The following KRT18 variants were observed in gnomAD, a reference collection of about 807,000 sequenced individuals.
KRT18 encodes the protein keratin 18, also known as keratin, type I cytoskeletal 18.
Under a neutral mutation model 39.9 loss-of-function variants are expected in KRT18, and 8 were observed. That is an observed-to-expected ratio of 0.20 (90% CI 0.12 to 0.36). KRT18 has a LOEUF of 0.36. KRT18 is among the 10% of genes least tolerant of loss of function. KRT18 has a pLI of 1.00. For synonymous variants in KRT18, 194 were observed against 227.8 expected (o/e 0.85, Z 1.33); for missense variants, 396 against 565.7 (o/e 0.70, Z 3.04).
Position 52,952,710 on chromosome 12 carries a change from C to CT in KRT18, c.1173-10dup, listed in dbSNP as rs150845422. ...GGGCTGTTTATAACTTGGGCTTGGT[C>CT]TTCTGTTACAGTCTTGGTGATGCCT... is the stretch of plus-strand genomic sequence containing the variant. On this transcript the variant is annotated splice_polypyrimidine_tract_variant and intron_variant, in intron 6 of 6. Coordinates refer to ENST00000388835, the MANE Select transcript of KRT18 (RefSeq NM_000224.3). 5.5e-4 allele frequency: 884 copies of CT among 1,612,390 alleles called. 3 individuals carry two copies. In the African/African-American group the frequency reaches 0.01, roughly 19 times the overall value.
chr12:52,950,020 G>A, intron 1 of KRT18: 1 of 605,726 alleles, frequency 1.7e-6, no homozygotes, highest in Non-Finnish European at 2.9e-6. Context: ...AGGTGCACTA[G>A]GGAAAAAATG....
Position 52,949,280 on chromosome 12 carries a change from A to T in KRT18, c.107A>T (p.Tyr36Phe). 6.2e-7 allele frequency: 1 copy of T among 1,610,794 alleles called. No individual in the cohort carries two copies. The highest frequency in any genetic ancestry group is 8.5e-7 in the Non-Finnish European group (1 of 1,179,698). Residue 36 changes from tyrosine to phenylalanine, a missense_variant, in exon 1 of 7, where the codon TAT becomes TTT. Physicochemically the swap from Tyr to Phe is conservative, Grantham distance 22. Transcript: ENST00000388835. ...ARPVSSAASVYAGAGGSGSRI... is the reference protein window; with the variant it reads ...ARPVSSAASVFAGAGGSGSRI... ...CCGGTCAGCAGCGCGGCCAGCGTCT[A>T]TGCAGGCGCTGGGGGCTCTGGTTCC...
rs772807320 is a variant in KRT18 at position 52,952,681 on chromosome 12, C to T, written c.1173-41C>T. The T allele has an allele frequency of 1.9e-6, 3 of 1,611,050 alleles. No individual in the cohort carries two copies. The Admixed American group carries it at 5.0e-5, about 27-fold the overall frequency. On this transcript the variant is annotated intron_variant, in intron 6 of 6. Coordinates refer to ENST00000388835, the MANE Select transcript of KRT18 (RefSeq NM_000224.3). ...TACCTTTCTTGTCTCCCTTCTACTC[C>T]ACGGGGCTGTTTATAACTTGGGCTT...
rs1942460622 is a variant in KRT18 at position 52,950,393 on chromosome 12, T to C, written c.483T>C (p.Ala161=). Reference sequence around the variant, plus strand: ...AGATTGACAATGCCCGTCTTGCTGCTGATGACTTTAGAGTCAAGTAAGTTT... The same window carrying C: ...AGATTGACAATGCCCGTCTTGCTGCCGATGACTTTAGAGTCAAGTAAGTTT... ...VLQIDNARLA[A]DDFRVKYETE... Residue 161 remains alanine, a synonymous_variant, in exon 2 of 7, where the codon GCT becomes GCC. Coordinates refer to ENST00000388835, the MANE Select transcript of KRT18 (RefSeq NM_000224.3). 6.2e-7 allele frequency: 1 copy of C among 1,612,786 alleles called. No individual in the cohort carries two copies. The highest frequency in any genetic ancestry group is 8.5e-7 in the Non-Finnish European group (1 of 1,178,930).
rs1942423083 is a variant in KRT18, at chr12:52,949,329, C to A, written c.156C>A (p.Thr52=). 6.2e-7 allele frequency: 1 copy of A among 1,610,202 alleles called. No individual in the cohort carries two copies. Among genetic ancestry groups the A allele is most frequent in the African/African-American group, 1.3e-5 (1 of 74,888 alleles). ...SGSRISVSRS[T]SFRGGMGSGG... is the part of the protein sequence containing the mutation. ...CCCGGATCTCCGTGTCCCGCTCCAC[C>A]AGCTTCAGGGGCGGCATGGGGTCCG... The change falls in exon 1 of 7, where the codon ACC becomes ACA. Residue 52 remains threonine (T), a synonymous_variant. Transcript: ENST00000388835.
At chr12:52,949,824 C>T (rs746040703) in intron 1 of KRT18, 1 of 704,806 alleles carries the variant, frequency 1.4e-6, no homozygotes, top group Non-Finnish European at 2.6e-6. Flanking sequence ...GAGAGCTTTA[C>T]AGAGGAAGTG....
chr12:52,952,194 C>T lies in KRT18; in HGVS notation c.1024C>T (p.Leu342=). The T allele has an allele frequency of 6.3e-7, 1 of 1,590,724 alleles. No homozygotes were observed. Among genetic ancestry groups the T allele is most frequent in the South Asian group, 1.1e-5 (1 of 87,424 alleles). Residue 342 remains leucine, a synonymous_variant, in exon 6 of 7, where the codon CTG becomes TTG. Coordinates refer to ENST00000388835, the MANE Select transcript of KRT18 (RefSeq NM_000224.3). ...ACAGATGGAGCAGCTCAACGGGATC[C>T]TGCTGCACCTTGAGTCAGAGCTGGC... ...ALQMEQLNGI[L]LHLESELAQT...
chr12:52,950,613 C>G, intron 2 of KRT18, 137 bp from the exon 3 acceptor site: 2 of 914,920 alleles, frequency 2.2e-6, no homozygotes, highest in South Asian at 2.9e-5. Context: ...AAGAATGGTG[C>G]TCAGGGGATT....
At position 52,950,896 on chromosome 12, in the gene KRT18, A is replaced by G. The variant is rs1416055882; in HGVS notation, c.647A>G (p.Asn216Ser). ...GAGGAGCTGCTCTTCATGAAGAAGA[A>G]CCACGAAGAGGCAAGCAGGGGCCAC... ...LKEELLFMKK[N>S]HEEEVKGLQA... The change falls in exon 3 of 7, where the codon AAC becomes AGC. Residue 216 changes from asparagine to serine, a missense_variant. Physicochemically the swap from Asn to Ser is conservative, Grantham distance 46. Transcript: ENST00000388835. 1.3e-6 allele frequency: 2 copies of G among 1,580,406 alleles called. No homozygotes were observed. The highest frequency in any genetic ancestry group is 1.1e-5 in the South Asian group (1 of 87,016).
Position 52,951,743 on chromosome 12 carries a change from A to G in KRT18, c.835A>G (p.Thr279Ala). ...CCCCATCCTGCAGATTGAGGAGAGC[A>G]CCACAGTGGTCACCACACAGTCTGC... Reference protein sequence around the residue: ...KYWSQQIEESTTVVTTQSAEV... With the variant: ...KYWSQQIEESATVVTTQSAEV... Residue 279 changes from threonine to alanine, a missense_variant, in exon 5 of 7, where the codon ACC (threonine) becomes GCC (alanine). Thr to Ala is a moderately conservative substitution (Grantham distance 58). Transcript: ENST00000388835. 1 of 1,613,406 alleles carries G rather than the reference A, an allele frequency of 6.2e-7. No homozygotes were observed. The highest frequency in any genetic ancestry group is 8.5e-7 in the Non-Finnish European group (1 of 1,180,012).
intron 1 of KRT18, 107 bp downstream of exon 1, chr12:52,949,697 G>C (rs1272505681): frequency 9.7e-7 from 1 of 1,029,894 alleles, no homozygotes; most frequent in South Asian, 1.3e-5. Context: ...TACTCCACCG[G>C]GAGGGGGTTG....
In KRT18 at chr12:52,952,149, G is replaced by T; in HGVS notation, c.979G>T (p.Val327Leu). Residue 327 changes from valine (V) to leucine (L), a missense_variant, in exon 6 of 7, where the codon GTG becomes TTG. Physicochemically the swap from Val to Leu is conservative, Grantham distance 32. Transcript: ENST00000388835. ...KASLENSLREVEARYALQMEQ... is the reference protein window; with the variant it reads ...KASLENSLRELEARYALQMEQ... ...CAGCTTGGAGAACAGCCTGAGGGAG[G>T]TGGAGGCCCGCTACGCCCTACAGAT... 6.4e-7 allele frequency: 1 copy of T among 1,568,534 alleles called. No individual in the cohort carries two copies. The highest frequency in any genetic ancestry group is 8.6e-7 in the Non-Finnish European group (1 of 1,156,428).
intron 5 of KRT18, 61 bp downstream of exon 5, chr12:52,951,917 T>C (rs537284189): frequency 4.4e-6 from 7 of 1,595,504 alleles, no homozygotes; most frequent in African/African-American, 4.0e-5. Context: ...CCCAACCCTG[T>C]CTCAACCCAA....
At chr12:52,952,500 G>A (rs1942509223) in intron 6 of KRT18, 158 bp downstream of exon 6, 5 of 747,576 alleles carry the variant, frequency 6.7e-6, no homozygotes, top group African/African-American at 5.1e-5. Context: ...GGGAGTAACA[G>A]TTACAGAGGT....
chr12:52,950,267 C>A lies in KRT18; in HGVS notation c.418-61C>A, dbSNP rs920184181. The A allele has an allele frequency of 4.9e-6, 6 of 1,219,194 alleles. No homozygotes were observed. The Admixed American group carries it at 6.7e-5, about 14-fold the overall frequency. 75.5% of individuals were successfully genotyped at this position (1,219,194 alleles called of 1,614,324 possible). On this transcript the variant is annotated intron_variant, in intron 1 of 6. Coordinates refer to ENST00000388835, the MANE Select transcript of KRT18 (RefSeq NM_000224.3). ...TAGGATACATAACACTTTTTACACACTCACCCCACCCATCCCTGGCTTTCT... is the reference window on the plus strand; with the variant it reads ...TAGGATACATAACACTTTTTACACAATCACCCCACCCATCCCTGGCTTTCT...
intron 6 of KRT18, 54 bp from the exon 7 acceptor site, chr12:52,952,668 C>A (rs1218330997): frequency 8.7e-6 from 14 of 1,605,442 alleles, no homozygotes; most frequent in Non-Finnish European, 2.6e-6. Flanking sequence ...CCTTTCTTGT[C>A]TCCCTTCTAC....
Position 52,950,776 on chromosome 12 carries a change from A to G in KRT18, c.527A>G (p.Gln176Arg), listed in dbSNP as rs781231306. ...VKYETELAMR[Q>R]SVENDIHGLR... ...TATGAGACAGAGCTGGCCATGCGCC[A>G]GTCTGTGGAGAACGACATCCATGGG... Residue 176 changes from glutamine to arginine, a missense_variant, in exon 3 of 7, where the codon CAG becomes CGG. Physicochemically the swap from Gln to Arg is conservative, Grantham distance 43. Transcript: ENST00000388835. 1 of 1,611,118 alleles carries G rather than the reference A, an allele frequency of 6.2e-7. No individual in the cohort carries two copies.
chr12:52,951,945 A>C, intron 5 of KRT18, 89 bp downstream of exon 5: 3 of 1,512,096 alleles, frequency 2.0e-6, no homozygotes, highest in Non-Finnish European at 2.7e-6. Flanking sequence ...CCCTCATATC[A>C]TGAGTTCCTT....
At chr12:52,949,100 G>GTCGCGCGGC, upstream of KRT18, 1 of 1,430,404 alleles carries the variant, frequency 7.0e-7, no homozygotes, top group Non-Finnish European at 9.8e-7. Context: ...TATAACTCGG[G>GTCGCGCGGC]TCGCGCGGCT....
Sources: gnomAD v4.1 joint callset for allele counts on GRCh38, gnomAD v4.1.1 for gene constraint, MANE v1.5 for transcripts, NCBI Gene and HGNC (gene_info 2026-07-23, HGNC 2026-07-21) for gene names.